MCF2L: variants seen among roughly 807,000 people sequenced by gnomAD.
The protein encoded by MCF2L is guanine nucleotide exchange factor DBS.
A neutral mutation model predicts 153.4 loss-of-function variants in MCF2L; 97 were observed. That is an observed-to-expected ratio of 0.63 (90% CI 0.54 to 0.75). The LOEUF (loss-of-function observed/expected upper bound fraction) is 0.75. Ranked by LOEUF, MCF2L falls within the 30% of genes least tolerant of loss-of-function variation. The pLI, the probability that MCF2L is intolerant of heterozygous loss-of-function variation, is 0.00. For synonymous variants in MCF2L, 659 were observed against 632.2 expected (o/e 1.04, Z -0.64); for missense variants, 1,347 against 1,495.2 (o/e 0.90, Z 1.64).
chr13:112,941,522 G>A lies in MCF2L; in HGVS notation c.169+39151G>A, dbSNP rs548333958. On this transcript the variant is annotated intron_variant, in intron 2 of 29. Coordinates refer to the MCF2L transcript ENST00000375608. This position sits in a 1 kb window ranked among gnomAD's most constrained non-coding sequence, Gnocchi z 4.9. ...ATCCTGAGTCAACACAGGTGTAGGC[G>A]GGCGCAGGTGTGGATGTCAGGTGAT... Among the ~76,000 whole-genome samples the A allele has an allele frequency of 1.3e-4, 19 of 151,944 alleles. No individual in the cohort carries two copies. Among genetic ancestry groups the A allele is most frequent in the African/African-American group, 4.6e-4 (19 of 41,488 alleles).
chr13:112,923,335 C>T (rs1037000711), intron 2 of MCF2L, among the ~76,000 whole-genome samples: 26 of 142,564 alleles, frequency 1.8e-4, no homozygotes, highest in East Asian at 2.0e-4. Context: ...AAGATCTCGG[C>T]TCACTGCAAG....
intron 2 of MCF2L, among the ~76,000 whole-genome samples, chr13:112,935,411 C>A (rs1276510620): frequency 1.3e-5 from 2 of 152,148 alleles, no homozygotes; most frequent in Non-Finnish European, 2.9e-5. Flanking sequence ...GCACGTGTCA[C>A]CATGCCTGGC....
At chr13:113,083,942 C>T (rs2034393926) in intron 17 of MCF2L, 56 bp from the exon 18 acceptor site, 1 of 1,279,082 alleles carries the variant, frequency 7.8e-7, no homozygotes, top group Admixed American at 1.7e-5. Context: ...CCACTTGTCA[C>T]TGGTCCACGT....
intron 2 of MCF2L, among the ~76,000 whole-genome samples, chr13:112,921,239 A>C (rs569446708): frequency 6.6e-6 from 1 of 152,308 alleles, no homozygotes; most frequent in South Asian, 2.1e-4. Context: ...AACTGCCAGA[A>C]GAAGTTAAAA....
Position 113,078,699 on chromosome 13 carries a change from T to G in MCF2L, c.1768T>G (p.Ser590Ala), listed in dbSNP as rs769664710. The G allele has an allele frequency of 1.2e-6, 2 of 1,610,796 alleles. No individual in the cohort carries two copies. Among genetic ancestry groups the G allele is most frequent in the Non-Finnish European group, 1.7e-6 (2 of 1,179,726 alleles). Reference protein sequence around the residue: ...EMSESRQGRGSAGEEEESLAI... With the variant: ...EMSESRQGRGAAGEEEESLAI... ...GAGTGAGAGCCGGCAGGGCCGCGGC[T>G]CAGCGGGGGAGGAGGAGGAAAGCCT... The change falls in exon 15 of 30, where the codon TCA (serine) becomes GCA (alanine). Residue 590 changes from serine to alanine, a missense_variant. Physicochemically the swap from Ser to Ala is moderately conservative, Grantham distance 99. Coordinates refer to ENST00000535094, the MANE Select transcript of MCF2L (RefSeq NM_001112732.3).
rs771255737 is a variant in MCF2L, at chr13:113,094,503, GTCTC to G, written c.2954-7_2954-4del. The stretch of plus-strand genomic sequence containing the variant: ...ACCGGGGGGTCCCTCACGGGTGTCT[GTCTC>G]TCTTAGGTTGGAGCAAAACGTCCCA... On this transcript the variant is annotated splice_region_variant and splice_polypyrimidine_tract_variant and intron_variant, in intron 26 of 29. Transcript: ENST00000535094. 6.9e-6 allele frequency: 11 copies of G among 1,605,066 alleles called. No individual in the cohort carries two copies. In the Admixed American group the frequency reaches 1.9e-4, roughly 27 times the overall value.
intron 2 of MCF2L, among the ~76,000 whole-genome samples, chr13:112,914,525 G>T (rs1054123253): frequency 1.3e-5 from 2 of 152,218 alleles, no homozygotes; most frequent in Non-Finnish European, 2.9e-5. Flanking sequence ...AAGAATAAAG[G>T]CTTTTTGACA....
At chr13:113,056,791 A>T (rs1265228596) in intron 4 of MCF2L, among the ~76,000 whole-genome samples, 14 of 84,220 alleles carry the variant, frequency 1.7e-4, no homozygotes, top group African/African-American at 8.7e-4. Context: ...TTTGGCACTG[A>T]GTGTTTGGGT....
intron 4 of MCF2L, among the ~76,000 whole-genome samples, chr13:113,051,396 G>C (rs1332352365): frequency 2.0e-5 from 3 of 152,172 alleles, no homozygotes; most frequent in Admixed American, 2.0e-4. Context: ...TGCAGGGGGA[G>C]GCAGCCCGTG....
chr13:112,957,282 CT>C (rs1402079999), intron 2 of MCF2L: 2 of 152,214 alleles, frequency 1.3e-5, no homozygotes, highest in East Asian at 1.9e-4. Flanking sequence ...TCTGGGGCCC[CT>C]GGTTTCCTTT....
intron 2 of MCF2L, among the ~76,000 whole-genome samples, chr13:112,913,394 A>G (rs935931927): frequency 6.6e-6 from 1 of 152,174 alleles, no homozygotes; most frequent in African/African-American, 2.4e-5. Flanking sequence ...GGCAAAACAA[A>G]AAGCTTTCAG....
At position 112,944,969 on chromosome 13, in the gene MCF2L, G is replaced by C. The variant is rs188333865; in HGVS notation, c.169+42598G>C. Among the ~76,000 whole-genome samples, 167 of 150,462 alleles carry C rather than the reference G, an allele frequency of 1.1e-3. 1 individual carries two copies. The highest frequency in any genetic ancestry group is 3.6e-3 in the African/African-American group (147 of 40,950). On this transcript the variant is annotated intron_variant, in intron 2 of 29. Coordinates refer to the MCF2L transcript ENST00000375608. ...ACTTTGTGTTAGTCCTGGCTCTTAAGAAAATCGATGCAATGCCAATTAGGC... is the reference window on the plus strand; with the variant it reads ...ACTTTGTGTTAGTCCTGGCTCTTAACAAAATCGATGCAATGCCAATTAGGC...
At chr13:112,916,108 T>C (rs2081289196) in intron 2 of MCF2L, among the ~76,000 whole-genome samples, 1 of 151,682 alleles carries the variant, frequency 6.6e-6, no homozygotes, top group Non-Finnish European at 1.5e-5. Context: ...CTCAGGAGGC[T>C]GAGGCAGGAG....
At chr13:112,964,325 G>GT (rs1039402778), upstream of MCF2L, among the ~76,000 whole-genome samples, 1 of 152,194 alleles carries the variant, frequency 6.6e-6, no homozygotes, top group African/African-American at 2.4e-5. Flanking sequence ...TTTGCCTTTT[G>GT]TTTTTTAACC....
intron 2 of MCF2L, chr13:112,917,285 C>T: frequency 2.4e-6 from 1 of 422,028 alleles, no homozygotes; most frequent in Admixed American, 2.6e-5. Context: ...CAGCTCCATC[C>T]ACCATAGTTC....
upstream of MCF2L, chr13:112,968,016 A>G (rs2081922744): frequency 9.9e-6 from 2 of 202,324 alleles, no homozygotes; most frequent in Non-Finnish European, 1.0e-5. Flanking sequence ...TGTTATTGGC[A>G]TGAGCTGTAG....
chr13:112,918,401 T>G (rs1257828458), intron 2 of MCF2L, among the ~76,000 whole-genome samples: 1 of 152,220 alleles, frequency 6.6e-6, no homozygotes, highest in Non-Finnish European at 1.5e-5. Context: ...CAGGAGTAAC[T>G]GACGCAGTTC....
rs1052941073 is a variant in MCF2L at position 113,087,267 on chromosome 13, G to T, written c.2406G>T (p.Met802Ile). Reference protein sequence around the residue: ...GNLGDLGKLLMQGSFSVWTDH... With the variant: ...GNLGDLGKLLIQGSFSVWTDH... ...TCGGCGACCTGGGCAAGCTGCTGAT[G>T]CAGGGCTCGTTCAGCGTCTGGACCG... is the stretch of plus-strand genomic sequence containing the variant. The change falls in exon 22 of 30, where the codon ATG becomes ATT. Residue 802 changes from methionine to isoleucine, a missense_variant. Physicochemically the swap from Met to Ile is conservative, Grantham distance 10. This residue lies in a region of MCF2L where 144 missense variants were observed against 238.7 expected (regional missense o/e 0.60). Transcript: ENST00000535094. 4 of 1,612,466 alleles carry T rather than the reference G, an allele frequency of 2.5e-6. No homozygotes were observed. Among genetic ancestry groups the T allele is most frequent in the Non-Finnish European group, 3.4e-6 (4 of 1,179,988 alleles).
At chr13:112,961,904 C>G (rs2081831469) in intron 2 of MCF2L, among the ~76,000 whole-genome samples, 1 of 152,334 alleles carries the variant, frequency 6.6e-6, no homozygotes, top group East Asian at 1.9e-4. Flanking sequence ...CTCCCACCCT[C>G]CCGCTCTGCT....
Sources: allele counts gnomAD v4.1 joint callset (sites outside exome capture counted in the v4.1 genomes callset), GRCh38; gene constraint gnomAD v4.1.1; regional missense constraint gnomAD v4.1.1; non-coding constraint Gnocchi (gnomAD v3.1); transcripts MANE v1.5; gene names NCBI Gene and HGNC (gene_info 2026-07-23, HGNC 2026-07-21).